Variants in SSH2 observed in about 807,000 individuals in gnomAD.
The protein encoded by SSH2 is protein phosphatase Slingshot homolog 2.
SSH2 carries 37 observed loss-of-function variants against 135.2 expected under a neutral mutation model. The observed-to-expected ratio is 0.27, with a 90% CI of 0.21 to 0.36. The LOEUF is 0.36. Among genes scored for constraint, SSH2 ranks in the 10% least tolerant of loss-of-function variants. The pLI, the probability that SSH2 is intolerant of heterozygous loss-of-function variation, is 1.00. For synonymous variants in SSH2, 628 were observed against 646.2 expected (o/e 0.97, Z 0.43); for missense variants, 1,408 against 1,765.3 (o/e 0.80, Z 3.63).
chr17:29,836,720 G>C (rs553244347), intron 2 of SSH2, among the ~76,000 whole-genome samples: 1 of 152,278 alleles, frequency 6.6e-6, no homozygotes, highest in Admixed American at 6.5e-5. Context: ...TAAAGTGAGA[G>C]GAAAAATTAC....
chr17:29,888,532 G>A (rs1409403208), intron 1 of SSH2, among the ~76,000 whole-genome samples: 3 of 152,126 alleles, frequency 2.0e-5, no homozygotes, highest in Non-Finnish European at 4.4e-5. Context: ...ATCCGTATAA[G>A]TGTAAAGCAA....
chr17:29,709,451 T>A (rs1442207304), intron 3 of SSH2, among the ~76,000 whole-genome samples: 1 of 151,710 alleles, frequency 6.6e-6, no homozygotes. Flanking sequence ...CCAAGGAGGG[T>A]GGATCACTTG....
At chr17:29,922,614 G>A (rs891915677) in intron 1 of SSH2, among the ~76,000 whole-genome samples, 2 of 152,072 alleles carry the variant, frequency 1.3e-5, no homozygotes, top group African/African-American at 4.8e-5. Flanking sequence ...AACCAACTAG[G>A]TACTACCCTT....
At chr17:29,875,980 C>T (rs1207200559) in intron 1 of SSH2, among the ~76,000 whole-genome samples, 1 of 100,314 alleles carries the variant, frequency 1.0e-5, no homozygotes, top group Non-Finnish European at 2.0e-5. Flanking sequence ...TTGAAGAGGA[C>T]ACCAAAAAAA....
At chr17:29,757,332 T>C (rs1022091100) in intron 3 of SSH2, among the ~76,000 whole-genome samples, 11 of 152,208 alleles carry the variant, frequency 7.2e-5, no homozygotes, top group African/African-American at 2.4e-4. Flanking sequence ...CATTTTCATA[T>C]AATCTCAAGG....
chr17:29,793,056 A>G (rs2042098206), intron 3 of SSH2, among the ~76,000 whole-genome samples: 1 of 152,084 alleles, frequency 6.6e-6, no homozygotes, highest in South Asian at 2.1e-4. Flanking sequence ...TATCATCTAG[A>G]ATGGCTCATT....
At chr17:29,854,606 T>C (rs2065628776) in intron 1 of SSH2, among the ~76,000 whole-genome samples, 1 of 151,736 alleles carries the variant, frequency 6.6e-6, no homozygotes, top group Admixed American at 6.6e-5. Context: ...GTGTAAAATC[T>C]AACTTGTTCA....
chr17:29,860,394 T>C (rs1293030776), intron 1 of SSH2, among the ~76,000 whole-genome samples: 1 of 152,072 alleles, frequency 6.6e-6, no homozygotes, highest in African/African-American at 2.4e-5. Flanking sequence ...GTTGGCAACA[T>C]GTACTTCTTC....
At chr17:29,903,433 A>G (rs2066597885) in intron 1 of SSH2, among the ~76,000 whole-genome samples, 1 of 151,092 alleles carries the variant, frequency 6.6e-6, no homozygotes. Context: ...CTGCTTGGAA[A>G]CTGTGTTTAA....
At chr17:29,751,101 T>C (rs2040925247) in intron 3 of SSH2, among the ~76,000 whole-genome samples, 1 of 151,964 alleles carries the variant, frequency 6.6e-6, no homozygotes, top group African/African-American at 2.4e-5. Context: ...GCTTTACAGT[T>C]AATATTTTCT....
intron 3 of SSH2, among the ~76,000 whole-genome samples, chr17:29,782,390 G>A (rs981948153): frequency 6.6e-6 from 1 of 152,020 alleles, no homozygotes; most frequent in Non-Finnish European, 1.5e-5. Context: ...TGCTGCTCTC[G>A]TACAGGAACT....
intron 2 of SSH2, among the ~76,000 whole-genome samples, chr17:29,832,044 A>C (rs577227268): frequency 6.6e-6 from 1 of 152,292 alleles, no homozygotes; most frequent in South Asian, 2.1e-4. Flanking sequence ...AACTGTACCT[A>C]TTATACACAT....
intron 3 of SSH2, among the ~76,000 whole-genome samples, chr17:29,725,669 G>A (rs1175234362): frequency 1.3e-5 from 2 of 152,202 alleles, no homozygotes; most frequent in Admixed American, 6.5e-5. Flanking sequence ...AACACTGCAT[G>A]TTCTCACTCA....
chr17:29,692,455 TCA>T (rs1387962900), intron 5 of SSH2, among the ~76,000 whole-genome samples: 1 of 152,244 alleles, frequency 6.6e-6, no homozygotes, highest in Non-Finnish European at 1.5e-5. Flanking sequence ...TTCAGAGGCA[TCA>T]GTTACATTTT....
At chr17:29,681,190 C>T (rs1052868521) in intron 6 of SSH2, among the ~76,000 whole-genome samples, 2 of 151,632 alleles carry the variant, frequency 1.3e-5, no homozygotes, top group African/African-American at 4.8e-5. Context: ...CAAAAATTAG[C>T]TGGGCATGGT....
intron 2 of SSH2, among the ~76,000 whole-genome samples, chr17:29,842,143 A>T (rs1267464444): frequency 1.7e-5 from 2 of 117,600 alleles, no homozygotes; most frequent in Non-Finnish European, 1.9e-5. Context: ...ACTGGAGGAG[A>T]CCCTGTTATT....
chr17:29,914,567 A>C lies in SSH2; in HGVS notation c.63+15371T>G, dbSNP rs540083997. ...GAGAGAGACCCTGTCTGAAAAAAAA[A>C]AAAAAAACAAACAAAAAACCCCAAA... On this transcript the variant is annotated intron_variant, in intron 1 of 15. Transcript: ENST00000540801. 4.2e-3 allele frequency among the ~76,000 whole-genome samples: 528 copies of C among 125,250 alleles called. 8 individuals are homozygous for C. Among genetic ancestry groups the C allele is most frequent in the Non-Finnish European group, 5.0e-3 (273 of 54,622 alleles). 82.2% of individuals were successfully genotyped at this position (125,250 alleles called of 152,430 possible).
chr17:29,916,179 T>C (rs138599896), intron 1 of SSH2, among the ~76,000 whole-genome samples: 176 of 152,270 alleles, frequency 1.2e-3, no homozygotes, highest in African/African-American at 4.1e-3. Context: ...AATAACCAAA[T>C]AGCAACCCTA....
chr17:29,929,740 T>G, intron 1 of SSH2, 198 bp downstream of exon 1: 1 of 603,406 alleles, frequency 1.7e-6, no homozygotes. Flanking sequence ...GTGCTCAGGG[T>G]GATGGGGGCA....
Sources: allele counts gnomAD v4.1 joint callset (sites outside exome capture counted in the v4.1 genomes callset), GRCh38; gene constraint gnomAD v4.1.1; transcripts MANE v1.5; gene names NCBI Gene and HGNC (gene_info 2026-07-23, HGNC 2026-07-21).